MOSMO: variants seen among roughly 807,000 people sequenced by gnomAD.
MOSMO encodes modulator of smoothened, also known as modulator of smoothened protein.
MOSMO carries 5 observed loss-of-function variants against 18.4 expected under a neutral mutation model. That is an observed-to-expected ratio of 0.27 (90% CI 0.14 to 0.57). The LOEUF is 0.57. Among genes scored for constraint, MOSMO ranks in the 20% least tolerant of loss-of-function variants. The probability of loss-of-function intolerance (pLI) is 0.92; values close to 1 mark genes in which losing one functional copy is unlikely to be tolerated. For missense variants in MOSMO, 138 were observed against 211.8 expected (o/e 0.65, Z 2.16); for synonymous variants, 82 against 82.3 (o/e 1.00, Z 0.02).
intron 1 of MOSMO, among the ~76,000 whole-genome samples, chr16:22,034,744 GTTTTT>G (rs890874059): frequency 1.1e-4 from 6 of 55,462 alleles, no homozygotes; most frequent in African/African-American, 2.5e-4. Context: ...GTTTTTTTGG[GTTTTT>G]TTTTTTTTTT....
chr16:22,023,997 T>TTATATATATATATATATATATA (rs72336979), intron 1 of MOSMO, among the ~76,000 whole-genome samples: 1,976 of 125,904 alleles, frequency 0.016, 127 homozygotes, highest in African/African-American at 0.058. Context: ...TTTGTACAAA[T>TTATATATATATATATATATATA]TATATATATA....
Position 22,081,020 on chromosome 16 carries a change from G to T in MOSMO, c.*140G>T. ...CTCAGATGAAACTGATGCTGAGAAG[G>T]AAAAAAAAATGCTTTGGTTTGTTCT... On this transcript the variant is annotated 3_prime_UTR_variant, in exon 3 of 3. Coordinates refer to ENST00000542527, the MANE Select transcript of MOSMO (RefSeq NM_001164579.2). 2 of 319,844 alleles carry T rather than the reference G, an allele frequency of 6.3e-6. No homozygotes were observed. Among genetic ancestry groups the T allele is most frequent in the Non-Finnish European group, 1.1e-5 (2 of 182,800 alleles). 19.8% of individuals were successfully genotyped at this position (319,844 alleles called of 1,614,324 possible). A position where few individuals can be genotyped will look rare whatever the true frequency, so the allele number is the denominator to read the frequency against.
chr16:22,020,220 A>C (rs1482126091), intron 1 of MOSMO, among the ~76,000 whole-genome samples: 2 of 151,424 alleles, frequency 1.3e-5, no homozygotes, highest in African/African-American at 2.4e-5. Context: ...ATCTCCAAAA[A>C]AAAAAAAAGT....
chr16:22,058,303 G>A (rs1449031933), intron 1 of MOSMO, among the ~76,000 whole-genome samples: 34 of 151,902 alleles, frequency 2.2e-4, no homozygotes, highest in Admixed American at 2.2e-3. Flanking sequence ...GCGTGCTCCT[G>A]TAATCCCAGC....
At chr16:22,073,545 GTT>G (rs746442808) in intron 1 of MOSMO, among the ~76,000 whole-genome samples, 2 of 143,092 alleles carry the variant, frequency 1.4e-5, no homozygotes. Flanking sequence ...ACTCCCTCAA[GTT>G]TTTTTTTTTT....
Position 22,067,878 on chromosome 16 carries a change from C to T in MOSMO, c.107-7609C>T, listed in dbSNP as rs561725803. On this transcript the variant is annotated intron_variant, in intron 1 of 2. Coordinates refer to ENST00000542527, the MANE Select transcript of MOSMO (RefSeq NM_001164579.2). Reference sequence around the variant, plus strand: ...TGGACAACAGAATGAGACTCTGTCTCTAAAAAGAAAGAAAAAAAAAAAAAA... The same window carrying T: ...TGGACAACAGAATGAGACTCTGTCTTTAAAAAGAAAGAAAAAAAAAAAAAA... Among the ~76,000 whole-genome samples, 9 of 133,198 alleles carry T rather than the reference C, an allele frequency of 6.8e-5. No individual in the cohort carries two copies. In the South Asian group the frequency reaches 2.7e-3, roughly 40 times the overall value. 87.4% of individuals were successfully genotyped at this position (133,198 alleles called of 152,430 possible). A position where few individuals can be genotyped will look rare whatever the true frequency, so the allele number is the denominator to read the frequency against.
At chr16:22,090,987 A>G (rs184285417), downstream of MOSMO, among the ~76,000 whole-genome samples, 326 of 152,256 alleles carry the variant, frequency 2.1e-3, 3 homozygotes, top group African/African-American at 6.9e-3. Context: ...TGCAGGAAGC[A>G]AAGAAAGGTG....
intron 1 of MOSMO, among the ~76,000 whole-genome samples, chr16:22,060,890 A>G (rs1279140356): frequency 2.6e-5 from 4 of 152,110 alleles, no homozygotes; most frequent in East Asian, 3.8e-4. Context: ...AGAAAAAAAA[A>G]AAAGAAAAGT....
chr16:22,073,652 C>G (rs1435801601), intron 1 of MOSMO, among the ~76,000 whole-genome samples: 1 of 151,412 alleles, frequency 6.6e-6, no homozygotes, highest in African/African-American at 2.4e-5. Flanking sequence ...CTTCTGGTTT[C>G]AAGCAATTAC....
chr16:22,075,449 A>G (rs1900945200), intron 1 of MOSMO, 38 bp from the exon 2 acceptor site: 3 of 1,277,770 alleles, frequency 2.3e-6, no homozygotes, highest in Admixed American at 2.6e-5. Context: ...GGACAGGCCA[A>G]ACCCACTAAA....
chr16:22,022,157 T>G lies in MOSMO; in HGVS notation c.106+13750T>G, dbSNP rs1018426719. On this transcript the variant is annotated intron_variant, in intron 1 of 2. Transcript: ENST00000542527. ...ATGTTTTTAAAGTAGGATATATCAT[T>G]GTTTTATCCTTGGCTGCCCGTATCA... Among the ~76,000 whole-genome samples the G allele has an allele frequency of 1.2e-4, 18 of 152,270 alleles. 1 individual carries two copies. Among genetic ancestry groups the G allele is most frequent in the Admixed American group, 5.9e-4 (9 of 15,302 alleles).
downstream of MOSMO, among the ~76,000 whole-genome samples, chr16:22,091,637 C>T (rs1195884488): frequency 1.3e-5 from 2 of 152,126 alleles, no homozygotes; most frequent in African/African-American, 4.8e-5. Flanking sequence ...GCAGTCCTCC[C>T]GCCTCAGCCT....
intron 1 of MOSMO, among the ~76,000 whole-genome samples, chr16:22,073,726 T>C (rs1900906816): frequency 6.6e-6 from 1 of 151,586 alleles, no homozygotes; most frequent in Non-Finnish European, 1.5e-5. Context: ...GATTTACTTC[T>C]CTTTGGCCTA....
chr16:22,058,286 C>T (rs1266687738), intron 1 of MOSMO, among the ~76,000 whole-genome samples: 4 of 151,870 alleles, frequency 2.6e-5, no homozygotes, highest in Admixed American at 6.6e-5. Context: ...ATTAGCCGGG[C>T]GTGATGGCGT....
Position 22,080,701 on chromosome 16 carries a change from C to T in MOSMO, c.325C>T (p.Leu109Phe). The T allele has an allele frequency of 6.7e-7, 1 of 1,488,002 alleles. No homozygotes were observed. Among genetic ancestry groups the T allele is most frequent in the Non-Finnish European group, 8.9e-7 (1 of 1,127,770 alleles). 92.2% of individuals were successfully genotyped at this position (1,488,002 alleles called of 1,614,324 possible). A position where few individuals can be genotyped will look rare whatever the true frequency, so the allele number is the denominator to read the frequency against. The change falls in exon 3 of 3, where the codon CTT becomes TTT. Residue 109 changes from leucine (L) to phenylalanine (F), a missense_variant. Leu to Phe is a conservative substitution (Grantham distance 22). Coordinates refer to ENST00000542527, the MANE Select transcript of MOSMO (RefSeq NM_001164579.2). ...ARWIAFTGMI[L>F]FCMAALIFPI... Reference sequence around the variant, plus strand: ...TGTTTTGGTTTGTTTTACAGTGATCCTTTTCTGTATGGCTGCCCTAATATT... The same window carrying T: ...TGTTTTGGTTTGTTTTACAGTGATCTTTTTCTGTATGGCTGCCCTAATATT...
chr16:22,058,997 T>G (rs1022071773), intron 1 of MOSMO, among the ~76,000 whole-genome samples: 7 of 152,218 alleles, frequency 4.6e-5, no homozygotes, highest in Admixed American at 2.0e-4. Context: ...GACTTTGGTT[T>G]TATAAGAATT....
chr16:22,088,190 A>G (rs566996277), downstream of MOSMO, among the ~76,000 whole-genome samples: 10 of 152,176 alleles, frequency 6.6e-5, no homozygotes, highest in Non-Finnish European at 1.5e-4. Context: ...CGGCCTGCTA[A>G]TTAAAAAAAA....
rs188698347 is a variant in MOSMO at position 22,010,185 on chromosome 16, A to G, written c.106+1778A>G. On this transcript the variant is annotated intron_variant, in intron 1 of 2. Coordinates refer to ENST00000542527, the MANE Select transcript of MOSMO (RefSeq NM_001164579.2). ...AACACAAAATCATGCTGTCATATTC[A>G]CTGGTTATTAAAATAACACTCTAAA... is the stretch of plus-strand genomic sequence containing the variant. Among the ~76,000 whole-genome samples, 3 of 152,278 alleles carry G rather than the reference A, an allele frequency of 2.0e-5. No individual in the cohort carries two copies. The East Asian group carries it at 5.8e-4, about 29-fold the overall frequency.
chr16:22,080,708 G>A lies in MOSMO; in HGVS notation c.332G>A (p.Cys111Tyr), dbSNP rs1423549207. ...GTTTGTTTTACAGTGATCCTTTTCT[G>A]TATGGCTGCCCTAATATTTCCAATA... ...WIAFTGMILF[C>Y]MAALIFPIGF... The change falls in exon 3 of 3, where the codon TGT (cysteine) becomes TAT (tyrosine). Residue 111 changes from cysteine (C) to tyrosine (Y), a missense_variant. Transcript: ENST00000542527. The A allele has an allele frequency of 6.7e-7, 1 of 1,492,086 alleles. No homozygotes were observed. The highest frequency in any genetic ancestry group is 2.7e-5 in the East Asian group (1 of 37,704). The allele number at this position is 1,492,086 out of a possible 1,614,324, so 92.4% of individuals were successfully genotyped here.
Sources: gnomAD v4.1 joint callset for allele counts (sites outside exome capture counted in the v4.1 genomes callset) on GRCh38, gnomAD v4.1.1 for gene constraint, MANE v1.5 for transcripts, NCBI Gene and HGNC (gene_info 2026-07-23, HGNC 2026-07-21) for gene names.